NRG1: variants seen among roughly 807,000 people sequenced by gnomAD.
NRG1 encodes neuregulin 1, also known as pro-neuregulin-1, membrane-bound isoform.
A neutral mutation model predicts 63.8 loss-of-function variants in NRG1; 18 were observed. The ratio of observed to expected loss-of-function variants is 0.28; its 90% confidence interval spans 0.19 to 0.42. The LOEUF (loss-of-function observed/expected upper bound fraction) is 0.42. NRG1 is among the 10% of genes least tolerant of loss of function. The pLI, the probability that NRG1 is intolerant of heterozygous loss-of-function variation, is 1.00. For synonymous variants in NRG1, 302 were observed against 301.3 expected, an observed-to-expected ratio of 1.00 and a Z score of -0.02; for missense variants, 762 against 814.7, an observed-to-expected ratio of 0.94 and a Z score of 0.79.
chr8:32,710,549 T>A (rs1279579770), intron 5 of NRG1, among the ~76,000 whole-genome samples: 1 of 152,188 alleles, frequency 6.6e-6, no homozygotes, highest in Non-Finnish European at 1.5e-5. Context: ...CATTTCTCTT[T>A]GGTCTCATAA....
chr8:32,540,770 C>G (rs564829994), intron 1 of NRG1, among the ~76,000 whole-genome samples: 1 of 152,170 alleles, frequency 6.6e-6, no homozygotes, highest in Admixed American at 6.5e-5. Context: ...AAGACCAGAG[C>G]TCCCTGCACC....
intron 1 of NRG1, among the ~76,000 whole-genome samples, chr8:32,089,595 A>G: frequency 6.6e-6 from 1 of 152,212 alleles, no homozygotes; most frequent in East Asian, 1.9e-4. Flanking sequence ...CTCTGTAGCA[A>G]CATAAAGATA....
chr8:32,355,240 C>A (rs557978655), intron 1 of NRG1, among the ~76,000 whole-genome samples: 23 of 152,198 alleles, frequency 1.5e-4, no homozygotes, highest in African/African-American at 5.3e-4. Context: ...GGGCAGATTG[C>A]CTGAGCTCAG....
intron 5 of NRG1, among the ~76,000 whole-genome samples, chr8:32,617,796 A>G (rs1847642316): frequency 6.6e-6 from 1 of 152,182 alleles, no homozygotes; most frequent in South Asian, 2.1e-4. Flanking sequence ...AAACTCATGA[A>G]AAGAAAGTCT....
intron 1 of NRG1, among the ~76,000 whole-genome samples, chr8:31,819,541 C>T (rs1279727136): frequency 6.6e-6 from 1 of 152,168 alleles, no homozygotes; most frequent in Non-Finnish European, 1.5e-5. Context: ...TTTTCCCAAA[C>T]TTTTACATAT....
intron 1 of NRG1, among the ~76,000 whole-genome samples, chr8:31,742,132 C>CA (rs1305121016): frequency 6.6e-6 from 1 of 151,762 alleles, no homozygotes; most frequent in Non-Finnish European, 1.5e-5. Flanking sequence ...TCTGTAAGGT[C>CA]AAAACAAGCA....
intron 1 of NRG1, among the ~76,000 whole-genome samples, chr8:32,168,261 A>G (rs965947882): frequency 3.3e-5 from 5 of 152,228 alleles, no homozygotes; most frequent in Admixed American, 1.3e-4. Flanking sequence ...AAGGAAGGAT[A>G]TGAGTTCAAA....
intron 1 of NRG1, among the ~76,000 whole-genome samples, chr8:32,011,684 A>C (rs1000740872): frequency 1.3e-5 from 2 of 152,048 alleles, no homozygotes; most frequent in African/African-American, 2.4e-5. Context: ...TCTCCTCCAG[A>C]GTTTACAGTT....
chr8:32,749,165 T>C (rs1828169267), intron 7 of NRG1: 1 of 166,104 alleles, frequency 6.0e-6, no homozygotes, highest in Non-Finnish European at 1.3e-5. Flanking sequence ...AAAATTCACC[T>C]CCTTGGAACT....
intron 1 of NRG1, among the ~76,000 whole-genome samples, chr8:32,344,602 ATTTTTTTTTTTT>A (rs61448713): frequency 9.9e-6 from 1 of 101,184 alleles, no homozygotes; most frequent in Non-Finnish European, 1.9e-5. Flanking sequence ...ACACTCAGCT[ATTTTTTTTTTTT>A]TTTTTTTTTT....
chr8:32,764,155 G>T, exon 12 of NRG1: 1 of 1,614,126 alleles, frequency 6.2e-7, no homozygotes. Flanking sequence ...ATTGCTAACA[G>T]ATTGGAAGTG....
intron 1 of NRG1, among the ~76,000 whole-genome samples, chr8:32,149,694 T>C (rs1340832451): frequency 6.6e-6 from 1 of 152,206 alleles, no homozygotes; most frequent in Non-Finnish European, 1.5e-5. Context: ...AAGAATGAGG[T>C]AAAATGGCCA....
chr8:31,812,476 G>T (rs376877640), intron 1 of NRG1, among the ~76,000 whole-genome samples: 36 of 152,230 alleles, frequency 2.4e-4, no homozygotes, highest in African/African-American at 6.7e-4. Flanking sequence ...GTTACTTTAT[G>T]ATTTGAAGCT....
At chr8:32,184,104 G>A (rs75309073) in intron 1 of NRG1, among the ~76,000 whole-genome samples, 33 of 121,884 alleles carry the variant, frequency 2.7e-4, no homozygotes, top group South Asian at 7.8e-4. Flanking sequence ...GTGTGTGTGT[G>A]TATATATAGA....
intron 1 of NRG1, among the ~76,000 whole-genome samples, chr8:32,212,207 G>C (rs1437324643): frequency 6.6e-6 from 1 of 152,018 alleles, no homozygotes; most frequent in Non-Finnish European, 1.5e-5. Context: ...CATAAAATAG[G>C]GGCAGGGGAG....
At chr8:32,394,694 G>T (rs114331731) in intron 1 of NRG1, among the ~76,000 whole-genome samples, 2,058 of 152,162 alleles carry the variant, frequency 0.014, 50 homozygotes, top group African/African-American at 0.047. Flanking sequence ...TTGAACTTAC[G>T]TCTTTCTCCC....
intron 1 of NRG1, chr8:32,287,536 A>G (rs1326356879): frequency 6.6e-6 from 1 of 152,214 alleles, no homozygotes; most frequent in Admixed American, 6.5e-5. Context: ...AAAGGGACTA[A>G]GTTTTGTTCC....
chr8:32,173,497 C>T (rs967764244), intron 1 of NRG1, among the ~76,000 whole-genome samples: 26 of 152,118 alleles, frequency 1.7e-4, no homozygotes, highest in Admixed American at 1.6e-3. Context: ...ACAATATTAA[C>T]CTTAAATGTA....
chr8:32,297,673 A>G (rs1459833385), intron 1 of NRG1, among the ~76,000 whole-genome samples: 1 of 152,166 alleles, frequency 6.6e-6, no homozygotes, highest in Non-Finnish European at 1.5e-5. Flanking sequence ...TTGATCTCCT[A>G]TTGGGTGCCA....
Sources: gnomAD v4.1 joint callset for allele counts (sites outside exome capture counted in the v4.1 genomes callset) on GRCh38, gnomAD v4.1.1 for gene constraint, MANE v1.5 for transcripts, NCBI Gene and HGNC (gene_info 2026-07-23, HGNC 2026-07-21) for gene names.